MYRFL: variants seen among roughly 807,000 people sequenced by gnomAD.
The protein encoded by MYRFL is myelin regulatory factor like, also known as myelin regulatory factor-like protein.
MYRFL carries 88 observed loss-of-function variants against 109.4 expected under a neutral mutation model. The observed-to-expected ratio is 0.80, with a 90% CI of 0.68 to 0.96. The LOEUF is 0.96. MYRFL is among the 40% of genes least tolerant of loss of function. The probability of loss-of-function intolerance (pLI) is 0.00; values close to 1 mark genes in which losing one functional copy is unlikely to be tolerated. For synonymous variants in MYRFL, 324 were observed against 320.9 expected, an observed-to-expected ratio of 1.01 and a Z score of -0.10; for missense variants, 957 against 954.9, an observed-to-expected ratio of 1.00 and a Z score of -0.03.
At chr12:69,879,556 A>G in intron 4 of MYRFL, 103 bp downstream of exon 4, 1 of 606,444 alleles carries the variant, frequency 1.6e-6, no homozygotes, top group Non-Finnish European at 2.9e-6. Context: ...AGTCCTGTCC[A>G]GGAGATGGCA....
intron 1 of MYRFL, among the ~76,000 whole-genome samples, chr12:69,849,058 G>A (rs1190999183): frequency 6.6e-6 from 1 of 152,152 alleles, no homozygotes; most frequent in Non-Finnish European, 1.5e-5. Context: ...TTTTAGTAGA[G>A]ACAGGGTTTC....
chr12:69,862,365 T>G (rs999775536), intron 2 of MYRFL, among the ~76,000 whole-genome samples: 5 of 152,352 alleles, frequency 3.3e-5, no homozygotes, highest in African/African-American at 9.6e-5. Flanking sequence ...ACAATATTGA[T>G]TCTTCCTACC....
chr12:69,940,711 A>G (rs1256919000), intron 19 of MYRFL, among the ~76,000 whole-genome samples: 5 of 149,804 alleles, frequency 3.3e-5, no homozygotes, highest in Non-Finnish European at 7.5e-5. Context: ...AATGGACTAA[A>G]TGCTCCAATT....
chr12:69,909,602 G>A (rs750184397), intron 11 of MYRFL, among the ~76,000 whole-genome samples: 3 of 152,074 alleles, frequency 2.0e-5, no homozygotes, highest in Non-Finnish European at 4.4e-5. Context: ...TCAATTTAAA[G>A]AGGAATCCTT....
Position 69,936,646 on chromosome 12 carries a change from A to C in MYRFL, c.2224+14A>C. ...GGCGATGGTCAGGTAAATGATGTTC[A>C]AAGAGAAACAACTAGAGCTTTGAAC... On this transcript the variant is annotated intron_variant, in intron 19 of 24. Coordinates refer to ENST00000552032, the MANE Select transcript of MYRFL (RefSeq NM_182530.3). The C allele has an allele frequency of 6.7e-7, 1 of 1,490,978 alleles. No homozygotes were observed. Among genetic ancestry groups the C allele is most frequent in the Admixed American group, 2.3e-5 (1 of 44,094 alleles). 92.4% of individuals were successfully genotyped at this position (1,490,978 alleles called of 1,614,324 possible).
At chr12:69,868,338 C>G (rs1885133638) in intron 2 of MYRFL, among the ~76,000 whole-genome samples, 1 of 152,004 alleles carries the variant, frequency 6.6e-6, no homozygotes, top group African/African-American at 2.4e-5. Context: ...TGGTCTCAAA[C>G]TCCTGACCTT....
intron 2 of MYRFL, among the ~76,000 whole-genome samples, chr12:69,866,615 C>T (rs1374323013): frequency 2.0e-5 from 3 of 152,132 alleles, no homozygotes; most frequent in African/African-American, 7.2e-5. Flanking sequence ...TTCCCCTCTA[C>T]CATATTGCCT....
chr12:69,835,925 C>T (rs961483081), intron 1 of MYRFL, among the ~76,000 whole-genome samples: 2 of 152,156 alleles, frequency 1.3e-5, no homozygotes, highest in Non-Finnish European at 2.9e-5. Context: ...TTAGTTTTGC[C>T]GTCTATAGGC....
intron 1 of MYRFL, among the ~76,000 whole-genome samples, chr12:69,832,704 G>T (rs578080404): frequency 2.0e-5 from 3 of 152,232 alleles, no homozygotes; most frequent in Admixed American, 1.3e-4. Context: ...AAGGAACAGT[G>T]AGGTGGAAGC....
intron 19 of MYRFL, among the ~76,000 whole-genome samples, chr12:69,940,404 TC>T (rs1955606358): frequency 6.6e-6 from 1 of 150,480 alleles, no homozygotes; most frequent in African/African-American, 2.4e-5. Flanking sequence ...TATTCAACAT[TC>T]TTAAAGAAAA....
chr12:69,946,231 G>A (rs1955836067), intron 19 of MYRFL, among the ~76,000 whole-genome samples: 1 of 151,994 alleles, frequency 6.6e-6, no homozygotes, highest in African/African-American at 2.4e-5. Context: ...GCTCCATGGT[G>A]CCAGGCTGTG....
chr12:69,908,888 C>T (rs1417623154), intron 11 of MYRFL, among the ~76,000 whole-genome samples: 1 of 152,066 alleles, frequency 6.6e-6, no homozygotes, highest in Admixed American at 6.6e-5. Flanking sequence ...AGCTGTTTTT[C>T]CTGATCCTCT....
chr12:69,839,030 C>T (rs1883101381), intron 1 of MYRFL, among the ~76,000 whole-genome samples: 1 of 152,110 alleles, frequency 6.6e-6, no homozygotes, highest in Admixed American at 6.6e-5. Context: ...CTGAGTGATT[C>T]CTAAGTTTGT....
At chr12:69,879,518 G>T (rs1364334613) in intron 4 of MYRFL, 65 bp downstream of exon 4, 1 of 656,552 alleles carries the variant, frequency 1.5e-6, no homozygotes, top group Non-Finnish European at 2.8e-6. Flanking sequence ...CCTGCCTCTG[G>T]CAGGCACCTA....
chr12:69,932,456 C>T (rs1955300564), intron 15 of MYRFL, 57 bp from the exon 16 acceptor site: 1 of 1,197,172 alleles, frequency 8.4e-7, no homozygotes, highest in Admixed American at 2.0e-5. Flanking sequence ...CTCCAGGCTC[C>T]CTTCTCACAG....
intron 19 of MYRFL, among the ~76,000 whole-genome samples, chr12:69,943,846 A>C (rs1955745760): frequency 6.6e-6 from 1 of 152,164 alleles, no homozygotes; most frequent in South Asian, 2.1e-4. Context: ...AGAAAAAAAC[A>C]AACAGCCCCA....
At chr12:69,930,300 A>G in intron 15 of MYRFL, among the ~76,000 whole-genome samples, 1 of 152,132 alleles carries the variant, frequency 6.6e-6, no homozygotes, top group Non-Finnish European at 1.5e-5. Context: ...ACTTCCACAC[A>G]GCTCCCAATG....
intron 12 of MYRFL, 141 bp downstream of exon 12, chr12:69,910,218 A>G (rs1468124307): frequency 1.9e-5 from 12 of 626,564 alleles, no homozygotes; most frequent in Non-Finnish European, 2.9e-5. Flanking sequence ...CATAGTCACT[A>G]GAACAGGAAA....
intron 19 of MYRFL, among the ~76,000 whole-genome samples, chr12:69,946,131 G>A (rs1217154600): frequency 6.6e-6 from 1 of 151,014 alleles, no homozygotes; most frequent in African/African-American, 2.4e-5. Context: ...AAAAGCAGTA[G>A]CCTAGAAACA....
Sources: allele counts gnomAD v4.1 joint callset (sites outside exome capture counted in the v4.1 genomes callset), GRCh38; gene constraint gnomAD v4.1.1; transcripts MANE v1.5; gene names NCBI Gene and HGNC (gene_info 2026-07-23, HGNC 2026-07-21).